WDPCP: variants seen among roughly 807,000 people sequenced by gnomAD.
WDPCP encodes the protein WD repeat-containing and planar cell polarity effector protein fritz homolog.
Under a neutral mutation model 93.1 loss-of-function variants are expected in WDPCP, and 71 were observed. The ratio of observed to expected loss-of-function variants is 0.76; its 90% CI spans 0.63 to 0.93. WDPCP has a LOEUF of 0.93. WDPCP is among the 40% of genes least tolerant of loss of function. The pLI is 0.00. For synonymous variants in WDPCP, 315 were observed against 315.0 expected (o/e 1.00, Z 0.00); for missense variants, 844 against 887.4 (o/e 0.95, Z 0.62).
intron 10 of WDPCP, among the ~76,000 whole-genome samples, chr2:63,390,974 G>A (rs1372295063): frequency 6.6e-6 from 1 of 152,146 alleles, no homozygotes; most frequent in East Asian, 1.9e-4. Flanking sequence ...AAGAGGAGTT[G>A]GTACCATTCC....
intron 14 of WDPCP, among the ~76,000 whole-genome samples, chr2:63,234,749 T>C (rs1357942798): frequency 6.6e-6 from 1 of 152,234 alleles, no homozygotes; most frequent in Non-Finnish European, 1.5e-5. Flanking sequence ...CACAAGTTTA[T>C]GTACATTGTA....
In WDPCP at chr2:63,382,018, T is replaced by G; in HGVS notation, c.1512A>C (p.Ala504=). The G allele has an allele frequency of 6.2e-7, 1 of 1,613,530 alleles. No individual in the cohort carries two copies. Among genetic ancestry groups the G allele is most frequent in the South Asian group, 1.1e-5 (1 of 91,074 alleles). ...AGTTCATGCTGCTCAGGATGTTTAT[T>G]GCCTCATAGATCTCATCACAGTGAA... ...QYIHCDEIYE[A]INILSSMNWD... is the part of the protein sequence containing the mutation. The change falls in exon 11 of 18, where the codon GCA becomes GCC. Residue 504 remains alanine (A), a synonymous_variant. Coordinates refer to ENST00000272321, the MANE Select transcript of WDPCP (RefSeq NM_015910.7).
At chr2:63,407,518 C>T (rs1400260065) in intron 9 of WDPCP, among the ~76,000 whole-genome samples, 1 of 152,154 alleles carries the variant, frequency 6.6e-6, no homozygotes, top group Non-Finnish European at 1.5e-5. Flanking sequence ...CAAACTAAAA[C>T]CTGCCCCACA....
intron 17 of WDPCP, among the ~76,000 whole-genome samples, chr2:63,141,198 C>T (rs1164440087): frequency 6.6e-6 from 1 of 152,072 alleles, no homozygotes; most frequent in Non-Finnish European, 1.5e-5. Context: ...CCTGTCTCAG[C>T]CTCCCGAGTA....
chr2:63,328,087 T>C (rs1042330349), intron 12 of WDPCP, among the ~76,000 whole-genome samples: 2 of 152,104 alleles, frequency 1.3e-5, no homozygotes, highest in Non-Finnish European at 1.5e-5. Context: ...TCTGGGTTGG[T>C]TGGGGACTTG....
chr2:63,134,095 T>C (rs1310360200), intron 17 of WDPCP, among the ~76,000 whole-genome samples: 9 of 152,182 alleles, frequency 5.9e-5, no homozygotes, highest in African/African-American at 2.2e-4. Context: ...CCTCTGGTTG[T>C]ATGTGGTTTC....
At chr2:63,469,288 G>A (rs115224731) in intron 6 of WDPCP, among the ~76,000 whole-genome samples, 2,450 of 152,278 alleles carry the variant, frequency 0.016, 74 homozygotes, top group African/African-American at 0.056. Context: ...AAAGCAGTGT[G>A]GAGATTCCTC....
chr2:63,790,856 A>G (rs182131989), intron 2 of WDPCP, among the ~76,000 whole-genome samples: 228 of 152,352 alleles, frequency 1.5e-3, no homozygotes, highest in African/African-American at 5.0e-3. Flanking sequence ...AAATATTTTT[A>G]GTGGGAGAAA....
intron 2 of WDPCP, among the ~76,000 whole-genome samples, chr2:63,659,110 G>T (rs1391536177): frequency 6.6e-6 from 1 of 152,064 alleles, no homozygotes; most frequent in Non-Finnish European, 1.5e-5. Context: ...CAAGAGATGG[G>T]GTAAATATAG....
intron 1 of WDPCP, among the ~76,000 whole-genome samples, chr2:63,580,679 A>G (rs1708437432): frequency 6.6e-6 from 1 of 152,240 alleles, no homozygotes; most frequent in Non-Finnish European, 1.5e-5. Flanking sequence ...TTAAAGAGAT[A>G]TGACATCTAA....
At chr2:63,137,218 C>CTGTTGTTGT (rs149696628) in intron 17 of WDPCP, among the ~76,000 whole-genome samples, 30 of 152,026 alleles carry the variant, frequency 2.0e-4, no homozygotes, top group African/African-American at 7.0e-4. Flanking sequence ...TTGCCATCAT[C>CTGTTGTTGT]TGTTGTTGTT....
At chr2:63,762,815 C>T (rs1038025296) in intron 2 of WDPCP, among the ~76,000 whole-genome samples, 3 of 152,188 alleles carry the variant, frequency 2.0e-5, no homozygotes, top group African/African-American at 7.2e-5. Context: ...GGCTCCACCC[C>T]ACCTCTCAAT....
chr2:63,487,570 A>C, intron 2 of WDPCP, 76 bp from the exon 3 acceptor site: 1 of 1,092,542 alleles, frequency 9.2e-7, no homozygotes, highest in Non-Finnish European at 1.4e-6. Context: ...ATACTATATT[A>C]GGGGAAGGAT....
chr2:63,752,197 C>CT (rs367803359), intron 2 of WDPCP: 8,720 of 560,722 alleles, frequency 0.016, 4 homozygotes, highest in East Asian at 0.027. Context: ...GACAAAGCTC[C>CT]TTTTTTTTTT....
At chr2:63,354,639 C>A (rs1689871029) in intron 12 of WDPCP, among the ~76,000 whole-genome samples, 2 of 152,026 alleles carry the variant, frequency 1.3e-5, no homozygotes, top group Non-Finnish European at 2.9e-5. Flanking sequence ...CACCCACACC[C>A]CCACACACAT....
At chr2:63,214,216 A>C (rs1166722456) in intron 14 of WDPCP, among the ~76,000 whole-genome samples, 2 of 152,194 alleles carry the variant, frequency 1.3e-5, no homozygotes, top group Non-Finnish European at 2.9e-5. Flanking sequence ...TGATGCAAAA[A>C]TCCTCAATAA....
At chr2:63,211,825 C>T (rs770822267) in intron 14 of WDPCP, among the ~76,000 whole-genome samples, 6 of 152,054 alleles carry the variant, frequency 3.9e-5, no homozygotes, top group Non-Finnish European at 5.9e-5. Context: ...GATGCGTGCA[C>T]AAGCTTCAGT....
intron 3 of WDPCP, among the ~76,000 whole-genome samples, chr2:63,624,628 C>T (rs1299141122): frequency 1.3e-5 from 2 of 152,024 alleles, no homozygotes; most frequent in Non-Finnish European, 2.9e-5. Flanking sequence ...AAGACTAAAC[C>T]AGGAAGAAGT....
chr2:63,793,842 C>A (rs1422015928), intron 2 of WDPCP, among the ~76,000 whole-genome samples: 1 of 151,076 alleles, frequency 6.6e-6, no homozygotes, highest in Non-Finnish European at 1.5e-5. Context: ...TAAGAAATCT[C>A]AATTTTGTAA....
Sources: gnomAD v4.1 joint callset for allele counts (sites outside exome capture counted in the v4.1 genomes callset) on GRCh38, gnomAD v4.1.1 for gene constraint, MANE v1.5 for transcripts, NCBI Gene and HGNC (gene_info 2026-07-23, HGNC 2026-07-21) for gene names.